The following JMJD1C variants were observed in gnomAD, a reference collection of about 807,000 sequenced individuals.
JMJD1C encodes jumonji domain-containing protein 1C.
Under a neutral mutation model 245.3 loss-of-function variants are expected in JMJD1C, and 31 were observed. The observed-to-expected ratio is 0.13, with a 90% confidence interval of 0.09 to 0.17. The LOEUF (loss-of-function observed/expected upper bound fraction) is 0.17, where lower values mean the gene tolerates loss of function less well. Among genes scored for constraint, JMJD1C ranks in the 10% least tolerant of loss-of-function variants. JMJD1C has a pLI of 1.00. For missense variants in JMJD1C, 2,691 were observed against 3,000.2 expected (o/e 0.90, Z 2.41); for synonymous variants, 1,057 against 1,017.4 (o/e 1.04, Z -0.74).
intron 3 of JMJD1C, among the ~76,000 whole-genome samples, chr10:63,254,057 C>T (rs933980312): frequency 7.2e-5 from 11 of 151,992 alleles, no homozygotes; most frequent in Admixed American, 7.2e-4. Context: ...AGTCTGAAGC[C>T]TAGAAAGACT....
At chr10:63,290,475 CGCTTGAACCCAGGAG>C (rs1454738872) in intron 2 of JMJD1C, among the ~76,000 whole-genome samples, 2 of 152,088 alleles carry the variant, frequency 1.3e-5, no homozygotes, top group Non-Finnish European at 2.9e-5. Context: ...GCACGAGAAT[CGCTTGAACCCAGGAG>C]GCGGAGGTTG....
intron 22 of JMJD1C, among the ~76,000 whole-genome samples, chr10:63,181,604 TAAAG>T (rs200613272): frequency 0.011 from 1,652 of 152,256 alleles, 31 homozygotes; most frequent in African/African-American, 0.037. Flanking sequence ...ACTTTTTAGA[TAAAG>T]AAAGAGAGCA....
At chr10:63,473,653 G>C (rs990858479) in intron 1 of JMJD1C, among the ~76,000 whole-genome samples, 1 of 152,136 alleles carries the variant, frequency 6.6e-6, no homozygotes, top group East Asian at 1.9e-4. Context: ...TGAACTTATT[G>C]TTGTAAAGCT....
intron 2 of JMJD1C, among the ~76,000 whole-genome samples, chr10:63,319,008 C>G (rs572849260): frequency 1.3e-5 from 2 of 152,142 alleles, no homozygotes; most frequent in East Asian, 3.9e-4. Context: ...AAAAAATGCT[C>G]CCAGCACTCT....
At chr10:63,415,337 A>G (rs1259834128) in intron 1 of JMJD1C, among the ~76,000 whole-genome samples, 2 of 152,188 alleles carry the variant, frequency 1.3e-5, no homozygotes, top group Non-Finnish European at 2.9e-5. Context: ...ACCTTATCAG[A>G]AAGTACCAAT....
chr10:63,353,675 C>T (rs1017644672), intron 2 of JMJD1C, among the ~76,000 whole-genome samples: 1 of 151,628 alleles, frequency 6.6e-6, no homozygotes, highest in South Asian at 2.1e-4. Context: ...ACCACCACGC[C>T]CAGTTATTTT....
intron 1 of JMJD1C, among the ~76,000 whole-genome samples, chr10:63,404,739 A>C (rs1949071190): frequency 6.6e-6 from 1 of 152,216 alleles, no homozygotes; most frequent in African/African-American, 2.4e-5. Context: ...CATAAAGCCA[A>C]GGGTGACAAC....
intron 3 of JMJD1C, among the ~76,000 whole-genome samples, chr10:63,230,385 C>G (rs1849816065): frequency 6.6e-6 from 1 of 152,002 alleles, no homozygotes; most frequent in South Asian, 2.1e-4. Flanking sequence ...AAAAATTCCA[C>G]CACTTCTTTA....
intron 2 of JMJD1C, among the ~76,000 whole-genome samples, chr10:63,315,200 G>T (rs545076665): frequency 6.6e-6 from 1 of 151,886 alleles, no homozygotes; most frequent in Non-Finnish European, 1.5e-5. Flanking sequence ...TGAAGTTTGG[G>T]GTATGAATTA....
intron 1 of JMJD1C, among the ~76,000 whole-genome samples, chr10:63,455,510 T>C (rs111354577): frequency 6.6e-6 from 1 of 152,220 alleles, no homozygotes; most frequent in Admixed American, 6.5e-5. Context: ...AATATCCTCA[T>C]GAAGTGATAC....
chr10:63,208,449 C>T lies in JMJD1C; in HGVS notation c.3220G>A (p.Val1074Ile), dbSNP rs755610810. Residue 1074 changes from valine (V) to isoleucine (I), a missense_variant, in exon 10 of 26, where the codon GTA (valine) becomes ATA (isoleucine). Transcript: ENST00000399262. ...IKQDMDVERS[V>I]SDLYKMKHSV... ...TGCTTCATTTTATAAAGATCTGATA[C>T]TGAGCGTTCTACATCCATATCTTGT... 1.2e-6 allele frequency: 2 copies of T among 1,613,946 alleles called. No homozygotes were observed. The highest frequency in any genetic ancestry group is 3.3e-5 in the Admixed American group (2 of 60,020).
rs1554880643 is a variant in JMJD1C at position 63,305,494 on chromosome 10, CTG to C, written c.334-40732_334-40731del. ...TCTCTCTCTCTCTCTCTCTCTCTCT[CTG>C]GAGGCAAGGTCTGACCCTCTCTCTC... On this transcript the variant is annotated intron_variant, in intron 2 of 25. Coordinates refer to ENST00000399262, the MANE Select transcript of JMJD1C (RefSeq NM_032776.3). Among the ~76,000 whole-genome samples the C allele has an allele frequency of 1.9e-3, 248 of 131,472 alleles. 6 individuals carry two copies. The highest frequency in any genetic ancestry group is 7.0e-3 in the African/African-American group (238 of 34,122). The allele number at this position is 131,472 out of a possible 152,430, so 86.3% of individuals were successfully genotyped here.
intron 2 of JMJD1C, among the ~76,000 whole-genome samples, chr10:63,336,175 T>C (rs985718685): frequency 1.1e-4 from 17 of 151,574 alleles, no homozygotes; most frequent in Non-Finnish European, 8.8e-5. Context: ...AAATATCTAA[T>C]ACCACCCTTA....
chr10:63,184,368 G>A (rs1452198147), intron 21 of JMJD1C, among the ~76,000 whole-genome samples: 1 of 151,346 alleles, frequency 6.6e-6, no homozygotes, highest in Non-Finnish European at 1.5e-5. Flanking sequence ...TCAGCCTCCT[G>A]AGTAGCTGGG....
intron 24 of JMJD1C, among the ~76,000 whole-genome samples, chr10:63,172,304 T>C (rs1842442122): frequency 6.6e-6 from 1 of 152,176 alleles, no homozygotes; most frequent in African/African-American, 2.4e-5. Context: ...CCAACCTAAG[T>C]AAACTTTTGG....
At chr10:63,390,832 G>A (rs1265510870) in intron 1 of JMJD1C, among the ~76,000 whole-genome samples, 1 of 152,030 alleles carries the variant, frequency 6.6e-6, no homozygotes, top group Non-Finnish European at 1.5e-5. Context: ...TCTAAGCACA[G>A]ATGAAAAATA....
At chr10:63,290,475 C>T (rs1428102114) in intron 2 of JMJD1C, among the ~76,000 whole-genome samples, 39 of 152,088 alleles carry the variant, frequency 2.6e-4, no homozygotes, top group Admixed American at 2.4e-3. Context: ...GCACGAGAAT[C>T]GCTTGAACCC....
At position 63,168,502 on chromosome 10, in the gene JMJD1C, T is replaced by G; in HGVS notation, c.7466A>C (p.Glu2489Ala). ...CAGTTCCTGTGTTAAATGAAATGAC[T>G]CTACAAGATGTTCTGGAGACACAAA... ...EDFVSPEHLV[E>A]SFHLTQELRL... Residue 2489 changes from glutamate (E) to alanine (A), a missense_variant, in exon 25 of 26, where the codon GAG (glutamate) becomes GCG (alanine). Glu to Ala is a moderately radical substitution (Grantham distance 107). This residue lies in a region of JMJD1C where 232 missense variants were observed against 416.1 expected (regional missense o/e 0.56). Coordinates refer to ENST00000399262, the MANE Select transcript of JMJD1C (RefSeq NM_032776.3). 1 of 1,610,942 alleles carries G rather than the reference T, an allele frequency of 6.2e-7. No homozygotes were observed. Among genetic ancestry groups the G allele is most frequent in the Non-Finnish European group, 8.5e-7 (1 of 1,178,468 alleles).
At chr10:63,494,119 T>C (rs1395865744) in intron 1 of JMJD1C, among the ~76,000 whole-genome samples, 1 of 152,160 alleles carries the variant, frequency 6.6e-6, no homozygotes, top group African/African-American at 2.4e-5. Context: ...GAGACCAGCC[T>C]GACCAACACG....
Sources: allele counts gnomAD v4.1 joint callset (sites outside exome capture counted in the v4.1 genomes callset), GRCh38; gene constraint gnomAD v4.1.1; regional missense constraint gnomAD v4.1.1; transcripts MANE v1.5; gene names NCBI Gene and HGNC (gene_info 2026-07-23, HGNC 2026-07-21).